Variants in ATP2A3 observed in about 807,000 individuals in gnomAD.
ATP2A3 encodes the protein sarcoplasmic/endoplasmic reticulum calcium ATPase 3.
Under a neutral mutation model 106.8 loss-of-function variants are expected in ATP2A3, and 61 were observed. The ratio of observed to expected loss-of-function variants is 0.57; its 90% CI spans 0.46 to 0.71. ATP2A3 has a LOEUF of 0.71. Ranked by LOEUF, ATP2A3 falls within the 30% of genes least tolerant of loss-of-function variation. The probability of loss-of-function intolerance (pLI) is 0.00; values close to 1 mark genes in which losing one functional copy is unlikely to be tolerated. For missense variants in ATP2A3, 1,201 were observed against 1,423.5 expected, an observed-to-expected ratio of 0.84 and a Z score of 2.52; for synonymous variants, 611 against 609.3, an observed-to-expected ratio of 1.00 and a Z score of -0.04.
intron 1 of ATP2A3, among the ~76,000 whole-genome samples, chr17:3,957,174 C>T (rs1469550759): frequency 6.6e-6 from 1 of 152,194 alleles, no homozygotes; most frequent in South Asian, 2.1e-4. Flanking sequence ...TCCTTGCGTG[C>T]CTTATTCTCA....
In ATP2A3 at chr17:3,937,616, G is replaced by A. The variant is rs140563350; in HGVS notation, c.2121C>T (p.Asp707=). ...ITAMTGDGVN[D]APALKKAEIG... is the part of the protein sequence containing the mutation. ...TCTCTGCTTTCTTCAGGGCTGGTGCGTCGTTCACTCCATCGCCAGTCTGTG... is the reference window on the plus strand; with the variant it reads ...TCTCTGCTTTCTTCAGGGCTGGTGCATCGTTCACTCCATCGCCAGTCTGTG... The change falls in exon 15 of 21, where the codon GAC becomes GAT. Residue 707 remains aspartate, a synonymous_variant. Transcript: ENST00000397041. The A allele has an allele frequency of 6.1e-5, 98 of 1,613,758 alleles. No homozygotes were observed. Among genetic ancestry groups the A allele is most frequent in the Non-Finnish European group, 7.1e-5 (84 of 1,179,976 alleles).
At chr17:3,951,214 A>C (rs1045335358) in intron 5 of ATP2A3, 37 bp downstream of exon 5, 3 of 1,296,814 alleles carry the variant, frequency 2.3e-6, no homozygotes, top group Non-Finnish European at 2.0e-6. Context: ...TAAATAAATA[A>C]AATAAAATAA....
Position 3,929,292 on chromosome 17 carries a change from A to G in ATP2A3, c.2862+36T>C. 1.3e-6 allele frequency: 2 copies of G among 1,513,270 alleles called. No individual in the cohort carries two copies. The highest frequency in any genetic ancestry group is 1.8e-6 in the Non-Finnish European group (2 of 1,114,514). The allele number at this position is 1,513,270 out of a possible 1,614,324, so 93.7% of individuals were successfully genotyped here. On this transcript the variant is annotated intron_variant, in intron 19 of 20. Transcript: ENST00000397041. The surrounding 1 kb of genome is among the most constrained non-coding windows in gnomAD (Gnocchi z 4.3). ...GACCAGCCCAGGGCCTGTGATGTCCAGGGACCAGGGCAGTGGGGCAGGCGG... is the reference window on the plus strand; with the variant it reads ...GACCAGCCCAGGGCCTGTGATGTCCGGGGACCAGGGCAGTGGGGCAGGCGG...
Position 3,964,287 on chromosome 17 carries a change from T to A in ATP2A3, c.5A>T (p.Glu2Val). The A allele has an allele frequency of 7.9e-7, 1 of 1,261,974 alleles. No individual in the cohort carries two copies. The highest frequency in any genetic ancestry group is 1.0e-6 in the Non-Finnish European group (1 of 990,346). 78.2% of individuals were successfully genotyped at this position (1,261,974 alleles called of 1,614,324 possible). ...GGCGGCCGGGAGCAGATGCGCCGCC[T>A]CCATGCCGCCCGCCCGGCCGTCTGC... M[E>V]AAHLLPAADV... The change falls in exon 1 of 21, where the codon GAG becomes GTG. Residue 2 changes from glutamate (E) to valine (V), a missense_variant. Transcript: ENST00000397041.
chr17:3,937,269 C>T (rs929184643), intron 15 of ATP2A3, 147 bp downstream of exon 15: 2 of 937,762 alleles, frequency 2.1e-6, no homozygotes, highest in Non-Finnish European at 3.3e-6. Context: ...CCCCTGTCCA[C>T]TCCAAGGTGG....
rs1161154219 is a variant in ATP2A3 at position 3,955,938 on chromosome 17, G to A, written c.119-2228C>T. ...GCTCTCTCGCCCAGGCTGGAGCGCA[G>A]TGGCGGGATCTTGGCTTACTGCAAC... On this transcript the variant is annotated intron_variant, in intron 1 of 20. Transcript: ENST00000397041. The surrounding 1 kb of genome is among the most constrained non-coding windows in gnomAD (Gnocchi z 4.2). 1.3e-5 allele frequency among the ~76,000 whole-genome samples: 2 copies of A among 151,534 alleles called. No homozygotes were observed. Among genetic ancestry groups the A allele is most frequent in the Non-Finnish European group, 2.9e-5 (2 of 67,928 alleles).
chr17:3,941,402 T>TC, intron 13 of ATP2A3, 34 bp downstream of exon 13: 2 of 1,612,644 alleles, frequency 1.2e-6, no homozygotes, highest in Non-Finnish European at 1.7e-6. Flanking sequence ...TGCACCCACC[T>TC]CGTACTGCAG....
chr17:3,958,001 G>C (rs978985589), intron 1 of ATP2A3, among the ~76,000 whole-genome samples: 3 of 152,192 alleles, frequency 2.0e-5, no homozygotes, highest in African/African-American at 7.2e-5. Context: ...GTTCACGGAG[G>C]CCCAGCGTGC....
In ATP2A3 at chr17:3,945,191, C is replaced by G. The variant is rs1163962268; in HGVS notation, c.1096-43G>C. On this transcript the variant is annotated intron_variant, in intron 8 of 20. Transcript: ENST00000397041. Reference sequence around the variant, plus strand: ...GTGCTTAGGCGGGCGGGGTCGCCTCCCTCCTCCCCGGGCGGCCAGTCGACC... The same window carrying G: ...GTGCTTAGGCGGGCGGGGTCGCCTCGCTCCTCCCCGGGCGGCCAGTCGACC... The G allele has an allele frequency of 3.3e-6, 5 of 1,522,236 alleles. No individual in the cohort carries two copies. The African/African-American group carries it at 5.6e-5, about 17-fold the overall frequency. 94.3% of individuals were successfully genotyped at this position (1,522,236 alleles called of 1,614,324 possible).
At chr17:3,952,631 C>T (rs2054515400) in intron 3 of ATP2A3, among the ~76,000 whole-genome samples, 1 of 152,130 alleles carries the variant, frequency 6.6e-6, no homozygotes, top group Admixed American at 6.5e-5. Flanking sequence ...GCTTTGTTGC[C>T]CAGGCTGGAA....
intron 14 of ATP2A3, among the ~76,000 whole-genome samples, chr17:3,940,034 TTTTTTTTTGTTTTTTG>T (rs1052486481): frequency 3.4e-5 from 4 of 116,584 alleles, no homozygotes; most frequent in African/African-American, 1.6e-4. Flanking sequence ...GTCATATCTT[TTTTTTTTTGTTTTTTG>T]TTTTTTTTTT....
intron 8 of ATP2A3, among the ~76,000 whole-genome samples, chr17:3,946,769 A>C (rs530417663): frequency 6.6e-6 from 1 of 152,092 alleles, no homozygotes; most frequent in South Asian, 2.1e-4. Flanking sequence ...GGCACTGGGG[A>C]CCTGGGAAGG....
At chr17:3,935,940 T>C (rs937188379) in intron 16 of ATP2A3, among the ~76,000 whole-genome samples, 3 of 152,218 alleles carry the variant, frequency 2.0e-5, no homozygotes, top group Non-Finnish European at 4.4e-5. Context: ...CTGAGATTCT[T>C]ATCATACTAC....
chr17:3,951,551 C>CCCCCCCGGGCCCCCCCCCCTGG, intron 4 of ATP2A3, 30 bp downstream of exon 4: 1 of 1,341,320 alleles, frequency 7.5e-7, no homozygotes, highest in Non-Finnish European at 1.0e-6. Context: ...AGACCGCCCC[C>CCCCCCCGGGCCCCCCCCCCTGG]CGCCCGGTCC....
intron 1 of ATP2A3, among the ~76,000 whole-genome samples, chr17:3,958,447 G>A (rs2144743056): frequency 6.6e-6 from 1 of 152,226 alleles, no homozygotes; most frequent in South Asian, 2.1e-4. Context: ...GAGCTTCAGT[G>A]GCTGTCCTTG....
intron 17 of ATP2A3, among the ~76,000 whole-genome samples, chr17:3,931,145 A>T (rs1371716784): frequency 6.6e-6 from 1 of 151,948 alleles, no homozygotes; most frequent in Non-Finnish European, 1.5e-5. Context: ...GTCTCAAAAA[A>T]AAAAAAAAAT....
At position 3,924,500 on chromosome 17, in the gene ATP2A3, AGCGCGGCG is replaced by A. The variant is rs747663304; in HGVS notation, c.*914_*921del. On this transcript the variant is annotated 3_prime_UTR_variant, in exon 21 of 21. Transcript: ENST00000397041. The surrounding 1 kb of genome is among the most constrained non-coding windows in gnomAD (Gnocchi z 6.4). Reference sequence around the variant, plus strand: ...CTCAGAGGCCCCCAGCTGTGCAGACAGCGCGGCGGCCGCACACTGGGCTGGGTAGAAGG... The same window carrying A: ...CTCAGAGGCCCCCAGCTGTGCAGACAGCCGCACACTGGGCTGGGTAGAAGG... 1.6e-5 allele frequency: 5 copies of A among 306,912 alleles called. No individual in the cohort carries two copies. The highest frequency in any genetic ancestry group is 2.6e-5 in the Non-Finnish European group (4 of 153,988). The allele number at this position is 306,912 out of a possible 1,614,324, so 19.0% of individuals were successfully genotyped here. A position where few individuals can be genotyped will look rare whatever the true frequency, so the allele number is the denominator to read the frequency against.
At chr17:3,957,628 G>A (rs979573260) in intron 1 of ATP2A3, among the ~76,000 whole-genome samples, 1 of 151,942 alleles carries the variant, frequency 6.6e-6, no homozygotes, top group Non-Finnish European at 1.5e-5. Flanking sequence ...TTCTCCCCTC[G>A]CATGAATGAG....
Position 3,958,887 on chromosome 17 carries a change from C to CACACACACATAT in ATP2A3, c.119-5178_119-5177insATATGTGTGTGT, listed in dbSNP as rs1354215003. ...ATATATATACACACACACACACACA[C>CACACACACATAT]ATATATATATATTGTTTTTTTTCAG... On this transcript the variant is annotated intron_variant, in intron 1 of 20. Transcript: ENST00000397041. Among the ~76,000 whole-genome samples the CACACACACATAT allele has an allele frequency of 3.0e-5, 3 of 99,896 alleles. 1 individual carries two copies. The highest frequency in any genetic ancestry group is 1.4e-4 in the African/African-American group (3 of 20,984). The allele number at this position is 99,896 out of a possible 152,430, so 65.5% of individuals were successfully genotyped here. A position where few individuals can be genotyped will look rare whatever the true frequency, so the allele number is the denominator to read the frequency against.
Sources: gnomAD v4.1 joint callset for allele counts (sites outside exome capture counted in the v4.1 genomes callset) on GRCh38, gnomAD v4.1.1 for gene constraint, Gnocchi (gnomAD v3.1) non-coding constraint, MANE v1.5 for transcripts, NCBI Gene and HGNC (gene_info 2026-07-23, HGNC 2026-07-21) for gene names.